Variants in CATSPERE observed in about 807,000 individuals in gnomAD.
CATSPERE encodes the protein catsper channel auxiliary subunit epsilon, also known as cation channel sperm-associated auxiliary subunit epsilon.
In CATSPERE, 93 loss-of-function variants were observed where a neutral mutation model predicts 114.1. The ratio of observed to expected loss-of-function variants is 0.81; its 90% CI spans 0.69 to 0.97. CATSPERE has a LOEUF of 0.97. CATSPERE is among the 50% of genes least tolerant of loss of function. The pLI is 0.00. For missense variants in CATSPERE, 1,058 were observed against 1,131.6 expected (o/e 0.93, Z 0.93); for synonymous variants, 341 against 384.1 (o/e 0.89, Z 1.31).
chr1:244,514,963 A>T (rs542082900), intron 7 of CATSPERE, among the ~76,000 whole-genome samples: 1 of 152,236 alleles, frequency 6.6e-6, no homozygotes, highest in Admixed American at 6.5e-5. Context: ...AACTATTCCC[A>T]TTGGGAAAAA....
At chr1:244,629,770 G>C (rs1253182594) in intron 20 of CATSPERE, among the ~76,000 whole-genome samples, 2 of 152,060 alleles carry the variant, frequency 1.3e-5, no homozygotes, top group African/African-American at 2.4e-5. Flanking sequence ...CTCCTGAGTT[G>C]CTGGGATTAC....
rs56746061 is a variant in CATSPERE, at chr1:244,528,785, C to CCACACACACA, written c.536+10119_536+10128dup. ...TACTCTCCCCCACAACAATCCCCCACCACACACACACACACACACACACAC... is the reference window on the plus strand; with the variant it reads ...TACTCTCCCCCACAACAATCCCCCACCACACACACACACACACACACACACACACACACAC... On this transcript the variant is annotated intron_variant, in intron 8 of 21. Transcript: ENST00000366534. 5.0e-3 allele frequency among the ~76,000 whole-genome samples: 652 copies of CCACACACACA among 130,542 alleles called. 6 individuals carry two copies. The highest frequency in any genetic ancestry group is 0.015 in the East Asian group (69 of 4,464). The allele number at this position is 130,542 out of a possible 152,430, so 85.6% of individuals were successfully genotyped here.
At chr1:244,462,468 G>A (rs986983736) in intron 1 of CATSPERE, among the ~76,000 whole-genome samples, 1 of 152,068 alleles carries the variant, frequency 6.6e-6, no homozygotes, top group Non-Finnish European at 1.5e-5. Context: ...GAGCAGGTGA[G>A]GAGAAAAGGC....
chr1:244,622,600 C>T (rs1051331257), intron 20 of CATSPERE, among the ~76,000 whole-genome samples: 6 of 151,968 alleles, frequency 3.9e-5, no homozygotes, highest in Non-Finnish European at 7.4e-5. Context: ...GACAGGGTTT[C>T]GCCATGTTGG....
intron 19 of CATSPERE, among the ~76,000 whole-genome samples, chr1:244,613,195 G>T (rs1486425961): frequency 6.6e-6 from 1 of 152,148 alleles, no homozygotes; most frequent in African/African-American, 2.4e-5. Context: ...ATGGACCCAT[G>T]TATTAAGTAA....
rs139927142 is a variant in CATSPERE, at chr1:244,596,010, C to CT, written c.2303+2433dup. Among the ~76,000 whole-genome samples the CT allele has an allele frequency of 3.0e-3, 462 of 152,276 alleles. 1 individual carries two copies. Among genetic ancestry groups the CT allele is most frequent in the Admixed American group, 5.8e-3 (89 of 15,304 alleles). ...GAGGATGAATTTCAGAGAAACAAAT[C>CT]TAAGTAGGGAGACCAGCTAGTCAAC... is the stretch of plus-strand genomic sequence containing the variant. On this transcript the variant is annotated intron_variant, in intron 17 of 21. Transcript: ENST00000366534.
intron 17 of CATSPERE, among the ~76,000 whole-genome samples, chr1:244,600,565 A>G (rs953227680): frequency 4.6e-5 from 7 of 152,222 alleles, no homozygotes; most frequent in Non-Finnish European, 8.8e-5. Flanking sequence ...AGAAAGTGCC[A>G]TATGAAAAAT....
At chr1:244,626,277 G>C (rs1273359524) in intron 20 of CATSPERE, among the ~76,000 whole-genome samples, 1 of 151,846 alleles carries the variant, frequency 6.6e-6, no homozygotes, top group Non-Finnish European at 1.5e-5. Context: ...CCTGGGATCA[G>C]GAGTTCGAAA....
At chr1:244,617,780 A>T (rs773459585) in intron 20 of CATSPERE, 94 bp downstream of exon 20, 31 of 1,071,348 alleles carry the variant, frequency 2.9e-5, no homozygotes, top group Non-Finnish European at 3.9e-5. Flanking sequence ...AATCATTGTT[A>T]TTCTTGTTAT....
chr1:244,553,580 CAAAA>C (rs1179306708), intron 9 of CATSPERE, among the ~76,000 whole-genome samples: 1 of 27,016 alleles, frequency 3.7e-5, no homozygotes, highest in Non-Finnish European at 7.7e-5. Context: ...GACCCCGTCT[CAAAA>C]AAAAAAAAAA....
chr1:244,506,255 A>G (rs1674798290), intron 7 of CATSPERE, among the ~76,000 whole-genome samples: 1 of 152,178 alleles, frequency 6.6e-6, no homozygotes, highest in South Asian at 2.1e-4. Context: ...TCCATCATAT[A>G]TATATAAAAT....
At chr1:244,588,623 A>G in intron 14 of CATSPERE, 89 bp downstream of exon 14, 1 of 967,682 alleles carries the variant, frequency 1.0e-6, no homozygotes, top group South Asian at 1.3e-5. Flanking sequence ...TAATAGCCTA[A>G]TGACTGACAC....
At chr1:244,499,238 T>C (rs924117105) in intron 7 of CATSPERE, among the ~76,000 whole-genome samples, 159 bp downstream of exon 7, 1 of 152,216 alleles carries the variant, frequency 6.6e-6, no homozygotes, top group Non-Finnish European at 1.5e-5. Flanking sequence ...TTATAGTAGT[T>C]TTGAACTTAT....
chr1:244,465,776 T>C (rs967725667), intron 2 of CATSPERE, among the ~76,000 whole-genome samples: 9 of 152,264 alleles, frequency 5.9e-5, no homozygotes, highest in African/African-American at 2.2e-4. Flanking sequence ...GAGATTTTGA[T>C]TGGGATTGCA....
At chr1:244,608,321 C>CT (rs1485474451) in intron 18 of CATSPERE, among the ~76,000 whole-genome samples, 2 of 151,916 alleles carry the variant, frequency 1.3e-5, no homozygotes, top group Non-Finnish European at 2.9e-5. Context: ...TCGCTTGAGC[C>CT]TAGGAGTCTG....
At chr1:244,580,719 C>T (rs947078797) in intron 11 of CATSPERE, among the ~76,000 whole-genome samples, 8 of 151,968 alleles carry the variant, frequency 5.3e-5, no homozygotes, top group East Asian at 1.9e-4. Context: ...CCTTACTTTT[C>T]GGCCAGGCAT....
At chr1:244,546,555 G>A (rs1407061929) in intron 8 of CATSPERE, among the ~76,000 whole-genome samples, 1 of 152,180 alleles carries the variant, frequency 6.6e-6, no homozygotes, top group African/African-American at 2.4e-5. Context: ...TTTTAAGGAA[G>A]CTCAGTGCAC....
rs1219968891 is a variant in CATSPERE at position 244,573,319 on chromosome 1, G to T, written c.1950+547G>T. On this transcript the variant is annotated intron_variant, in intron 11 of 21. Coordinates refer to ENST00000366534, the MANE Select transcript of CATSPERE (RefSeq NM_001130957.2). This position sits in a 1 kb window ranked among gnomAD's most constrained non-coding sequence, Gnocchi z 4.0. ...CCAGCTACTCGGGAGGCTGAGGCAG[G>T]AGAATGGTGTGAACCCAGGAGGTGG... Among the ~76,000 whole-genome samples the T allele has an allele frequency of 1.3e-5, 2 of 152,090 alleles. No individual in the cohort carries two copies. Among genetic ancestry groups the T allele is most frequent in the African/African-American group, 4.8e-5 (2 of 41,398 alleles).
intron 6 of CATSPERE, among the ~76,000 whole-genome samples, chr1:244,494,667 A>T (rs1672815412): frequency 6.6e-6 from 1 of 152,128 alleles, no homozygotes; most frequent in Non-Finnish European, 1.5e-5. Flanking sequence ...ATAGAGGATG[A>T]TTAGAAGTGT....
Sources: allele counts gnomAD v4.1 joint callset (sites outside exome capture counted in the v4.1 genomes callset), GRCh38; gene constraint gnomAD v4.1.1; non-coding constraint Gnocchi (gnomAD v3.1); transcripts MANE v1.5; gene names NCBI Gene and HGNC (gene_info 2026-07-23, HGNC 2026-07-21).